Variants in SESTD1 observed in about 807,000 individuals in gnomAD.
SESTD1 encodes the protein SEC14 and spectrin domain containing 1, also known as SEC14 domain and spectrin repeat-containing protein 1.
In SESTD1, 43 loss-of-function variants were observed where a neutral mutation model predicts 101.7. The observed-to-expected ratio is 0.42, with a 90% CI of 0.33 to 0.55. The LOEUF (loss-of-function observed/expected upper bound fraction) is 0.55. Among genes scored for constraint, SESTD1 ranks in the 20% least tolerant of loss-of-function variants. The probability of loss-of-function intolerance (pLI) is 0.07; values close to 1 mark genes in which losing one functional copy is unlikely to be tolerated. For synonymous variants in SESTD1, 283 were observed against 286.8 expected (o/e 0.99, Z 0.13); for missense variants, 647 against 815.1 (o/e 0.79, Z 2.51).
chr2:179,109,780 GA>G lies in SESTD1; in HGVS notation c.*118del. The G allele has an allele frequency of 1.5e-6, 2 of 1,301,188 alleles. No individual in the cohort carries two copies. The highest frequency in any genetic ancestry group is 4.4e-5 in the Admixed American group (2 of 45,202). 80.6% of individuals were successfully genotyped at this position (1,301,188 alleles called of 1,614,324 possible). ...TAACATGTAAAGAGAAATGTGTCAT[GA>G]AAAGAAATGAGACTTATTTTGGCTG... On this transcript the variant is annotated 3_prime_UTR_variant, in exon 18 of 18. Transcript: ENST00000428443.
intron 5 of SESTD1, among the ~76,000 whole-genome samples, chr2:179,165,177 A>G (rs1228804974): frequency 6.6e-6 from 1 of 152,198 alleles, no homozygotes; most frequent in African/African-American, 2.4e-5. Flanking sequence ...GGCTTTTAAT[A>G]AGTGCCTAGC....
chr2:179,165,962 G>T (rs2045826777), intron 5 of SESTD1, among the ~76,000 whole-genome samples: 1 of 152,156 alleles, frequency 6.6e-6, no homozygotes, highest in Non-Finnish European at 1.5e-5. Context: ...GAAGCCACTG[G>T]AGAGCTAAAT....
At chr2:179,134,301 ATAATACTT>A (rs2045087247) in intron 9 of SESTD1, among the ~76,000 whole-genome samples, 1 of 152,198 alleles carries the variant, frequency 6.6e-6, no homozygotes, top group Non-Finnish European at 1.5e-5. Flanking sequence ...GCATTAAACT[ATAATACTT>A]TAATGATTTT....
intron 4 of SESTD1, among the ~76,000 whole-genome samples, chr2:179,175,696 C>A (rs769141829): frequency 1.3e-5 from 2 of 152,152 alleles, no homozygotes; most frequent in African/African-American, 4.8e-5. Flanking sequence ...ATCTGCCCTC[C>A]GCATCACTCA....
At chr2:179,126,561 C>T (rs1017632132) in intron 10 of SESTD1, among the ~76,000 whole-genome samples, 3 of 152,128 alleles carry the variant, frequency 2.0e-5, no homozygotes, top group Non-Finnish European at 4.4e-5. Flanking sequence ...GATCTATAGG[C>T]TAAGAATTAC....
rs370840815 is a variant in SESTD1, at chr2:179,109,859, C to T, written c.*40G>A. 115 of 1,605,634 alleles carry T rather than the reference C, an allele frequency of 7.2e-5. No homozygotes were observed. The highest frequency in any genetic ancestry group is 7.0e-4 in the African/African-American group (52 of 74,478). On this transcript the variant is annotated 3_prime_UTR_variant, in exon 18 of 18. Transcript: ENST00000428443. ...AATGCTGTAGTATGTTGACAACATG[C>T]GGGATTATGAACTGCAAATCTGTAG... is the stretch of plus-strand genomic sequence containing the variant.
At chr2:179,192,694 G>A (rs557279593) in intron 1 of SESTD1, among the ~76,000 whole-genome samples, 2 of 152,310 alleles carry the variant, frequency 1.3e-5, no homozygotes, top group African/African-American at 4.8e-5. Flanking sequence ...TGCCATGGCA[G>A]GCATTCAGGC....
At chr2:179,198,575 T>C (rs1263053517) in intron 1 of SESTD1, among the ~76,000 whole-genome samples, 7 of 151,882 alleles carry the variant, frequency 4.6e-5, no homozygotes, top group Non-Finnish European at 8.8e-5. Flanking sequence ...CCTCAGCAAA[T>C]GTAAAAGAAC....
chr2:179,174,000 C>A (rs1294425504), intron 4 of SESTD1, among the ~76,000 whole-genome samples: 1 of 152,134 alleles, frequency 6.6e-6, no homozygotes, highest in Non-Finnish European at 1.5e-5. Flanking sequence ...TCCTCTGCAA[C>A]AACTGGATTG....
intron 1 of SESTD1, among the ~76,000 whole-genome samples, chr2:179,196,722 C>T (rs998271616): frequency 1.3e-5 from 2 of 152,138 alleles, no homozygotes; most frequent in East Asian, 1.9e-4. Context: ...CGGCTGGGTA[C>T]TCCAACAGAC....
chr2:179,151,007 T>G (rs2045514804), intron 6 of SESTD1, among the ~76,000 whole-genome samples: 1 of 152,154 alleles, frequency 6.6e-6, no homozygotes, highest in Admixed American at 6.5e-5. Context: ...CAAAGGTAGG[T>G]ACTATTACTA....
intron 9 of SESTD1, among the ~76,000 whole-genome samples, chr2:179,143,280 A>T (rs1413570471): frequency 1.3e-5 from 2 of 152,184 alleles, no homozygotes; most frequent in Non-Finnish European, 2.9e-5. Flanking sequence ...ATTAAGAATA[A>T]ATCAAGTATC....
chr2:179,185,949 A>G (rs1005066629), intron 2 of SESTD1, among the ~76,000 whole-genome samples: 5 of 140,386 alleles, frequency 3.6e-5, no homozygotes, highest in African/African-American at 7.8e-5. Flanking sequence ...TATATTATAT[A>G]CAATATATAA....
intron 1 of SESTD1, among the ~76,000 whole-genome samples, chr2:179,262,425 C>G (rs979561455): frequency 6.6e-6 from 1 of 152,082 alleles, no homozygotes. Flanking sequence ...CAAAGTCTGG[C>G]TGTCACCCAG....
intron 1 of SESTD1, among the ~76,000 whole-genome samples, chr2:179,261,491 C>T (rs1049821069): frequency 1.3e-5 from 2 of 152,054 alleles, no homozygotes; most frequent in Non-Finnish European, 2.9e-5. Context: ...AATAAACCTA[C>T]CTTACAGCAT....
intron 1 of SESTD1, among the ~76,000 whole-genome samples, chr2:179,253,164 T>C (rs557285184): frequency 1.3e-5 from 2 of 152,358 alleles, no homozygotes; most frequent in African/African-American, 2.4e-5. Context: ...TTCAACACTT[T>C]TGTTTTTTAG....
In SESTD1 at chr2:179,151,282, C is replaced by T. The variant is rs1267983294; in HGVS notation, c.479G>A (p.Arg160Lys). The change falls in exon 6 of 18, where the codon AGG becomes AAG. Residue 160 changes from arginine to lysine, a missense_variant. By Grantham distance (26) the Arg-to-Lys change is conservative (BLOSUM62 2). Transcript: ENST00000428443. ...TYDHMDWLNK[R>K]LVFEKFTKES... Reference sequence around the variant, plus strand: ...ATCTCATTGTAATATACCAACCAGCCTCTTATTTAACCAGTCCATGTGATC... The same window carrying T: ...ATCTCATTGTAATATACCAACCAGCTTCTTATTTAACCAGTCCATGTGATC... 6.3e-7 allele frequency: 1 copy of T among 1,582,492 alleles called. No homozygotes were observed. Among genetic ancestry groups the T allele is most frequent in the East Asian group, 2.3e-5 (1 of 43,656 alleles).
chr2:179,144,375 T>C (rs2045350412), intron 8 of SESTD1, among the ~76,000 whole-genome samples: 1 of 152,026 alleles, frequency 6.6e-6, no homozygotes, highest in African/African-American at 2.4e-5. Flanking sequence ...ATAATATTTA[T>C]ATAATCTCTA....
At chr2:179,183,885 G>A (rs1410289501) in intron 2 of SESTD1, among the ~76,000 whole-genome samples, 1 of 150,868 alleles carries the variant, frequency 6.6e-6, no homozygotes, top group African/African-American at 2.4e-5. Flanking sequence ...AGGAAGGAAG[G>A]GAGGAAACGA....
Sources: gnomAD v4.1 joint callset for allele counts (sites outside exome capture counted in the v4.1 genomes callset) on GRCh38, gnomAD v4.1.1 for gene constraint, MANE v1.5 for transcripts, NCBI Gene and HGNC (gene_info 2026-07-23, HGNC 2026-07-21) for gene names.